The following PDLIM2 variants were observed in gnomAD, a reference collection of about 807,000 sequenced individuals.
PDLIM2 encodes PDZ and LIM domain protein 2.
A neutral mutation model predicts 54.1 loss-of-function variants in PDLIM2; 51 were observed. The ratio of observed to expected loss-of-function variants is 0.94; its 90% CI spans 0.75 to 1.19. PDLIM2 has a LOEUF of 1.19. Ranked by LOEUF, PDLIM2 falls within the 50% of genes most tolerant of loss-of-function variation. The pLI, the probability that PDLIM2 is intolerant of heterozygous loss-of-function variation, is 0.00. For synonymous variants in PDLIM2, 398 were observed against 385.6 expected, an observed-to-expected ratio of 1.03 and a Z score of -0.38; for missense variants, 912 against 874.0, an observed-to-expected ratio of 1.04 and a Z score of -0.55.
chr8:22,594,358 C>G (rs559256690), downstream of PDLIM2: 1 of 1,476,632 alleles, frequency 6.8e-7, no homozygotes, highest in East Asian at 2.3e-5. Context: ...GCTCCCACCA[C>G]TGGGTGGAGG....
exon 8 of PDLIM2, chr8:22,589,706 G>C (rs766095196): frequency 6.4e-7 from 1 of 1,570,750 alleles, no homozygotes; most frequent in Non-Finnish European, 8.6e-7. Context: ...AGCTCCTTTC[G>C]GCTCTTGCAG....
At chr8:22,589,206 G>A in intron 6 of PDLIM2, 92 bp from the exon 6 acceptor site, 1 of 1,396,216 alleles carries the variant, frequency 7.2e-7, no homozygotes. Context: ...GCCCCCTGGT[G>A]TCGGGCCTGG....
At position 22,581,611 on chromosome 8, in the gene PDLIM2, C is replaced by T. The variant is rs1457607483; in HGVS notation, c.995+81C>T. On this transcript the variant is annotated intron_variant, in intron 3 of 9. Coordinates refer to ENST00000308354, the Ensembl canonical transcript of PDLIM2. ...GTATTGAGCAGCCCTTGCTCCTGCCCATGGGCTAGAGCTCAGCCCTAAAGC... is the reference window on the plus strand; with the variant it reads ...GTATTGAGCAGCCCTTGCTCCTGCCTATGGGCTAGAGCTCAGCCCTAAAGC... 6.8e-6 allele frequency: 10 copies of T among 1,476,912 alleles called. No homozygotes were observed. The African/African-American group carries it at 1.4e-4, about 21-fold the overall frequency. The allele number at this position is 1,476,912 out of a possible 1,614,324, so 91.5% of individuals were successfully genotyped here.
At chr8:22,589,527 C>A (rs763684608) in intron 7 of PDLIM2, 69 bp from the exon 7 acceptor site, 2 of 1,314,176 alleles carry the variant, frequency 1.5e-6, no homozygotes, top group East Asian at 2.5e-5. Flanking sequence ...TCTTCTCCTG[C>A]CCCCCACCCC....
At chr8:22,580,423 T>A in intron 1 of PDLIM2, 52 bp from the exon 1 acceptor site, 1 of 1,408,804 alleles carries the variant, frequency 7.1e-7, no homozygotes, top group Non-Finnish European at 9.3e-7. Flanking sequence ...TGGGGGGAAG[T>A]GAAACCGGGC....
chr8:22,584,394 C>T (rs1800309357), intron 3 of PDLIM2, among the ~76,000 whole-genome samples: 1 of 151,936 alleles, frequency 6.6e-6, no homozygotes, highest in African/African-American at 2.4e-5. Context: ...CTACAACCTC[C>T]ATCTCCTGGG....
exon 1 of PDLIM2, chr8:22,578,969 G>C: frequency 8.1e-7 from 1 of 1,241,372 alleles, no homozygotes; most frequent in Non-Finnish European, 1.0e-6. Context: ...AGGGGGCCCT[G>C]GGGACAGCCT....
At chr8:22,581,128 A>G (rs765062600) in intron 2 of PDLIM2, 2 of 670,082 alleles carry the variant, frequency 3.0e-6, no homozygotes, top group Non-Finnish European at 2.8e-6. Context: ...TTCCAAGCAC[A>G]GTTCCTGAAA....
intron 3 of PDLIM2, among the ~76,000 whole-genome samples, chr8:22,582,737 A>G (rs1800244008): frequency 6.6e-6 from 1 of 151,348 alleles, no homozygotes; most frequent in Admixed American, 6.6e-5. Context: ...GCGTGCCACC[A>G]CGCCCAGCTA....
chr8:22,594,063 G>C, exon 10 of PDLIM2: 1 of 1,445,548 alleles, frequency 6.9e-7, no homozygotes, highest in Non-Finnish European at 9.1e-7. Context: ...CAAGGTCTGG[G>C]ACCTGTCTTG....
intron 6 of PDLIM2, chr8:22,588,875 C>A (rs965629259): frequency 4.5e-6 from 1 of 224,232 alleles, no homozygotes; most frequent in Non-Finnish European, 8.8e-6. Context: ...ATGTTTCTAT[C>A]TCCTCAGTGC....
chr8:22,581,522 G>T, exon 3 of PDLIM2: 1 of 1,581,308 alleles, frequency 6.3e-7, no homozygotes. Context: ...TGCGGCTGCA[G>T]CTGGACCGGT....
exon 2 of PDLIM2, chr8:22,580,659 G>A (rs1800165796): frequency 1.9e-6 from 3 of 1,613,960 alleles, no homozygotes; most frequent in African/African-American, 1.3e-5. Context: ...CCGTATCACA[G>A]GGGGCAGGGA....
At chr8:22,581,082 C>A (rs562482334) in intron 2 of PDLIM2, 3 of 674,094 alleles carry the variant, frequency 4.5e-6, no homozygotes, top group Admixed American at 2.1e-5. Context: ...CTGCAAGGTG[C>A]GATTTGCACG....
intron 2 of PDLIM2, 70 bp from the exon 2 acceptor site, chr8:22,581,309 G>T: frequency 6.5e-7 from 1 of 1,527,022 alleles, no homozygotes; most frequent in South Asian, 1.2e-5. Flanking sequence ...GTGTTTCTTG[G>T]GTAGCAGAGT....
chr8:22,579,549 CG>C (rs1391529016), intron 1 of PDLIM2: 19 of 1,441,026 alleles, frequency 1.3e-5, no homozygotes, highest in Non-Finnish European at 1.7e-5. Flanking sequence ...TCGGGGCGGC[CG>C]CGAGCCGGCC....
At chr8:22,581,037 G>A in intron 2 of PDLIM2, 1 of 661,016 alleles carries the variant, frequency 1.5e-6, no homozygotes, top group South Asian at 1.5e-5. Context: ...GGCCCAGGCT[G>A]GGAACATTCA....
rs754776392 is a variant in PDLIM2, at chr8:22,591,714, G to A, written c.1631+46G>A. On this transcript the variant is annotated intron_variant, in intron 9 of 9. Coordinates refer to ENST00000308354, the Ensembl canonical transcript of PDLIM2. The stretch of plus-strand genomic sequence containing the variant: ...GGGACCTGAGCCTTCACAGGGGAGT[G>A]GGGAGGGGGACAGGGCACTGGATGC... 4.6e-6 allele frequency: 7 copies of A among 1,533,136 alleles called. No homozygotes were observed. In the African/African-American group the frequency reaches 6.8e-5, roughly 15 times the overall value. The allele number at this position is 1,533,136 out of a possible 1,614,324, so 95.0% of individuals were successfully genotyped here.
intron 6 of PDLIM2, among the ~76,000 whole-genome samples, chr8:22,587,502 C>T (rs1296659973): frequency 6.6e-6 from 1 of 152,142 alleles, no homozygotes; most frequent in African/African-American, 2.4e-5. Context: ...CCCCTGACCC[C>T]CTGCCCTGCC....
Sources: allele counts gnomAD v4.1 joint callset (sites outside exome capture counted in the v4.1 genomes callset), GRCh38; gene constraint gnomAD v4.1.1; transcripts MANE v1.5; gene names NCBI Gene and HGNC (gene_info 2026-07-23, HGNC 2026-07-21).